Variants in ANKRD6 observed in about 807,000 individuals in gnomAD.
ANKRD6 encodes ankyrin repeat domain 6, also known as ankyrin repeat domain-containing protein 6.
A neutral mutation model predicts 82.3 loss-of-function variants in ANKRD6; 56 were observed. The ratio of observed to expected loss-of-function variants is 0.68; its 90% CI spans 0.55 to 0.85. The LOEUF (loss-of-function observed/expected upper bound fraction) is 0.85, where lower values mean the gene tolerates loss of function less well. Among genes scored for constraint, ANKRD6 ranks in the 40% least tolerant of loss-of-function variants. The pLI is 0.00. For synonymous variants in ANKRD6, 347 were observed against 352.1 expected, an observed-to-expected ratio of 0.99 and a Z score of 0.16; for missense variants, 852 against 907.6, an observed-to-expected ratio of 0.94 and a Z score of 0.79.
At chr6:89,599,085 T>C (rs1796519326) in intron 3 of ANKRD6, among the ~76,000 whole-genome samples, 1 of 152,028 alleles carries the variant, frequency 6.6e-6, no homozygotes, top group Non-Finnish European at 1.5e-5. Flanking sequence ...AGTCAATAAA[T>C]ATTCAGTCCG....
intron 2 of ANKRD6, among the ~76,000 whole-genome samples, chr6:89,576,669 C>A (rs1257392023): frequency 6.6e-6 from 1 of 152,168 alleles, no homozygotes; most frequent in Non-Finnish European, 1.5e-5. Flanking sequence ...GAATTTGACA[C>A]TGTTGCCTGC....
At chr6:89,477,674 G>A (rs1309679129) in intron 1 of ANKRD6, among the ~76,000 whole-genome samples, 1 of 151,648 alleles carries the variant, frequency 6.6e-6, no homozygotes, top group African/African-American at 2.4e-5. Flanking sequence ...GGGAGGCTGA[G>A]GCAGGAGAAT....
chr6:89,610,412 G>A (rs1450803711), intron 5 of ANKRD6, among the ~76,000 whole-genome samples: 3 of 152,098 alleles, frequency 2.0e-5, no homozygotes, highest in Non-Finnish European at 4.4e-5. Flanking sequence ...CCTCCGTGTC[G>A]TTACATGGAG....
rs1342302063 is a variant in ANKRD6 at position 89,606,120 on chromosome 6, A to G, written c.417+15A>G. 2.6e-6 allele frequency: 4 copies of G among 1,533,902 alleles called. No individual in the cohort carries two copies. The highest frequency in any genetic ancestry group is 1.9e-4 in the Middle Eastern group (1 of 5,386). Reference sequence around the variant, plus strand: ...CCAAGAACAAGGTGAGGCCTGGCAGATGCTAGAATGCCTCATTCACAGGTG... The same window carrying G: ...CCAAGAACAAGGTGAGGCCTGGCAGGTGCTAGAATGCCTCATTCACAGGTG... On this transcript the variant is annotated intron_variant, in intron 5 of 15. Coordinates refer to ENST00000339746, the MANE Select transcript of ANKRD6 (RefSeq NM_001242809.2).
At chr6:89,463,960 T>G (rs1226037115) in intron 1 of ANKRD6, among the ~76,000 whole-genome samples, 2 of 152,228 alleles carry the variant, frequency 1.3e-5, no homozygotes, top group Admixed American at 6.5e-5. Context: ...CCTTGTTAGA[T>G]TCACTCTTGC....
intron 1 of ANKRD6, among the ~76,000 whole-genome samples, chr6:89,472,412 A>C (rs1466908482): frequency 1.3e-5 from 2 of 152,232 alleles, no homozygotes; most frequent in African/African-American, 4.8e-5. Flanking sequence ...TAATATATAC[A>C]TTGGAAATCA....
In ANKRD6 at chr6:89,595,978, G is replaced by T; in HGVS notation, c.183G>T (p.Leu61Phe). 6.2e-7 allele frequency: 1 copy of T among 1,610,920 alleles called. No homozygotes were observed. Among genetic ancestry groups the T allele is most frequent in the Non-Finnish European group, 8.5e-7 (1 of 1,178,720 alleles). ...GCCATCTTCCTGTGGTCCAGATCTT[G>T]CTGAAGGCTGGCTGCGACCTTGATG... ...NKGHLPVVQILLKAGCDLDVQ... is the reference protein window; with the variant it reads ...NKGHLPVVQIFLKAGCDLDVQ... Residue 61 changes from leucine to phenylalanine, a missense_variant, in exon 3 of 16, where the codon TTG (leucine) becomes TTT (phenylalanine). Coordinates refer to ENST00000339746, the MANE Select transcript of ANKRD6 (RefSeq NM_001242809.2).
At position 89,471,359 on chromosome 6, in the gene ANKRD6, CAA is replaced by C. The variant is rs568718441; in HGVS notation, c.-144+38004_-144+38005del. 9.2e-3 allele frequency among the ~76,000 whole-genome samples: 526 copies of C among 57,086 alleles called. 1 individual carries two copies. The highest frequency in any genetic ancestry group is 0.031 in the African/African-American group (468 of 15,284). 37.5% of individuals were successfully genotyped at this position (57,086 alleles called of 152,430 possible). ...GACTCTGTCTCAAAAACAACAACAA[CAA>C]AAAAAAAAAAAAAAAAAAAGAGGAG... is the stretch of plus-strand genomic sequence containing the variant. On this transcript the variant is annotated intron_variant, in intron 1 of 15. Coordinates refer to ENST00000339746, the MANE Select transcript of ANKRD6 (RefSeq NM_001242809.2).
chr6:89,442,931 AG>A (rs1771606491), intron 1 of ANKRD6, among the ~76,000 whole-genome samples: 1 of 152,304 alleles, frequency 6.6e-6, no homozygotes, highest in East Asian at 1.9e-4. Flanking sequence ...GAGGGACTAG[AG>A]GGGGTAAGAT....
At chr6:89,497,288 A>C (rs1008787684) in intron 1 of ANKRD6, among the ~76,000 whole-genome samples, 2 of 152,152 alleles carry the variant, frequency 1.3e-5, no homozygotes, top group South Asian at 2.1e-4. Flanking sequence ...TTAAACTACT[A>C]TTTCTTTATT....
intron 1 of ANKRD6, among the ~76,000 whole-genome samples, chr6:89,465,237 A>G (rs941826220): frequency 6.6e-6 from 1 of 150,770 alleles, no homozygotes; most frequent in African/African-American, 2.4e-5. Context: ...CTCCTGCCTC[A>G]GCCTCCTGAG....
At chr6:89,536,637 A>ATG (rs1033900782) in intron 1 of ANKRD6, among the ~76,000 whole-genome samples, 11 of 152,292 alleles carry the variant, frequency 7.2e-5, no homozygotes, top group South Asian at 6.2e-4. Flanking sequence ...GGTAACTTGA[A>ATG]TGTGTGTGTG....
At chr6:89,598,154 T>C in intron 3 of ANKRD6, 1 of 985,426 alleles carries the variant, frequency 1.0e-6, no homozygotes, top group African/African-American at 1.7e-5. Context: ...TCCAGTGGCC[T>C]GGAGTGGGAT....
At chr6:89,569,642 C>T (rs1303614765) in intron 2 of ANKRD6, among the ~76,000 whole-genome samples, 2 of 152,180 alleles carry the variant, frequency 1.3e-5, no homozygotes, top group Non-Finnish European at 2.9e-5. Context: ...TATGGCAAAT[C>T]TGTTTAACAC....
intron 5 of ANKRD6, 142 bp from the exon 6 acceptor site, chr6:89,612,130 C>A: frequency 1.6e-6 from 1 of 628,004 alleles, no homozygotes; most frequent in Non-Finnish European, 2.7e-6. Context: ...TCTGAAGCAT[C>A]CCCACTGAAA....
chr6:89,468,102 G>A (rs996965602), intron 1 of ANKRD6, among the ~76,000 whole-genome samples: 22 of 152,256 alleles, frequency 1.4e-4, no homozygotes, highest in African/African-American at 4.8e-4. Flanking sequence ...CCCACACCAA[G>A]CATGTATGGC....
At chr6:89,571,903 T>A (rs1052573723) in intron 2 of ANKRD6, among the ~76,000 whole-genome samples, 9 of 152,242 alleles carry the variant, frequency 5.9e-5, no homozygotes, top group African/African-American at 2.2e-4. Context: ...CTAAAGATCC[T>A]CTGTGCTTCA....
intron 8 of ANKRD6, 24 bp downstream of exon 8, chr6:89,616,681 T>G: frequency 8.7e-6 from 14 of 1,610,916 alleles, no homozygotes; most frequent in Non-Finnish European, 1.1e-5. Context: ...CAACATTGCT[T>G]TCTAAAGTGG....
intron 1 of ANKRD6, among the ~76,000 whole-genome samples, chr6:89,526,600 C>T (rs1394548764): frequency 2.6e-5 from 4 of 152,062 alleles, no homozygotes; most frequent in South Asian, 2.1e-4. Context: ...GGTGAGGGCT[C>T]CTAAACTATG....
Sources: gnomAD v4.1 joint callset for allele counts (sites outside exome capture counted in the v4.1 genomes callset) on GRCh38, gnomAD v4.1.1 for gene constraint, MANE v1.5 for transcripts, NCBI Gene and HGNC (gene_info 2026-07-23, HGNC 2026-07-21) for gene names.